ADD3: variants seen among roughly 807,000 people sequenced by gnomAD.
The protein encoded by ADD3 is gamma-adducin.
ADD3 carries 25 observed loss-of-function variants against 80.2 expected under a neutral mutation model. The ratio of observed to expected loss-of-function variants is 0.31; its 90% CI spans 0.23 to 0.44. The LOEUF is 0.44. ADD3 is among the 20% of genes least tolerant of loss of function. The pLI is 1.00. For synonymous variants in ADD3, 284 were observed against 289.6 expected (o/e 0.98, Z 0.20); for missense variants, 829 against 847.5 (o/e 0.98, Z 0.27).
At chr10:110,002,995 A>G (rs74154938), upstream of ADD3, among the ~76,000 whole-genome samples, 2,630 of 152,338 alleles carry the variant, frequency 0.017, 84 homozygotes, top group African/African-American at 0.061. Context: ...TTGTTCCCCA[A>G]GTACTTTCCA....
At chr10:109,998,037 A>G (rs551407239) in intron 1 of ADD3, among the ~76,000 whole-genome samples, 2 of 152,374 alleles carry the variant, frequency 1.3e-5, no homozygotes, top group East Asian at 3.9e-4. Context: ...TACTAGGGAT[A>G]CAACAATGAA....
intron 1 of ADD3, among the ~76,000 whole-genome samples, chr10:110,077,921 C>G (rs556080203): frequency 1.3e-5 from 2 of 152,224 alleles, no homozygotes; most frequent in East Asian, 1.9e-4. Context: ...TTTGTGTTAT[C>G]TATACTCTCT....
intron 5 of ADD3, among the ~76,000 whole-genome samples, chr10:110,117,921 C>T (rs1850965191): frequency 6.6e-6 from 1 of 151,876 alleles, no homozygotes; most frequent in African/African-American, 2.4e-5. Context: ...GAGGCTGAGG[C>T]AGGAGAATCG....
intron 2 of ADD3, chr10:110,106,138 T>C (rs1294572641): frequency 7.1e-6 from 1 of 141,574 alleles, no homozygotes; most frequent in Non-Finnish European, 1.5e-5. Context: ...AAGTCTGTAA[T>C]CTTTTTTTTT....
intron 1 of ADD3, among the ~76,000 whole-genome samples, chr10:110,021,412 A>G (rs762878537): frequency 1.3e-5 from 2 of 152,242 alleles, no homozygotes; most frequent in Non-Finnish European, 2.9e-5. Context: ...AAAATTGTAC[A>G]CTAGTGACCA....
chr10:110,045,725 T>G (rs1444574705), intron 1 of ADD3, among the ~76,000 whole-genome samples: 1 of 152,176 alleles, frequency 6.6e-6, no homozygotes, highest in African/African-American at 2.4e-5. Flanking sequence ...TTATCAAAAC[T>G]TACACACACA....
At chr10:110,076,945 C>T (rs971783312) in intron 1 of ADD3, 3 of 152,204 alleles carry the variant, frequency 2.0e-5, no homozygotes, top group Non-Finnish European at 4.4e-5. Flanking sequence ...AGTTTGCTCT[C>T]ACTGAAGTCT....
intron 1 of ADD3, among the ~76,000 whole-genome samples, chr10:110,076,435 A>G (rs984417054): frequency 6.6e-6 from 1 of 152,202 alleles, no homozygotes; most frequent in African/African-American, 2.4e-5. Flanking sequence ...TCTTTTTTAC[A>G]TGTACATTTC....
intron 1 of ADD3, among the ~76,000 whole-genome samples, chr10:109,996,856 C>T (rs924657242): frequency 6.6e-6 from 1 of 152,244 alleles, no homozygotes; most frequent in Non-Finnish European, 1.5e-5. Context: ...GCTCTTCACT[C>T]TCTTCGGCCT....
chr10:110,104,740 C>T (rs1849225932), intron 2 of ADD3, among the ~76,000 whole-genome samples: 1 of 152,116 alleles, frequency 6.6e-6, no homozygotes, highest in Non-Finnish European at 1.5e-5. Context: ...ATGCCAAGCA[C>T]CTATTATGCA....
At chr10:110,072,804 T>C (rs910791760) in intron 1 of ADD3, among the ~76,000 whole-genome samples, 1 of 152,234 alleles carries the variant, frequency 6.6e-6, no homozygotes, top group African/African-American at 2.4e-5. Context: ...GAGTAAGAGC[T>C]ACTCTTGAGC....
Position 110,030,860 on chromosome 10 carries a change from T to C in ADD3, c.-30+22561T>C, listed in dbSNP as rs1049548245. 1.3e-5 allele frequency among the ~76,000 whole-genome samples: 2 copies of C among 151,706 alleles called. 1 individual carries two copies. The highest frequency in any genetic ancestry group is 2.9e-5 in the Non-Finnish European group (2 of 67,916). Reference sequence around the variant, plus strand: ...TGAGAGCTATTGCCTACAAGCAACCTCTACTCCTTCTCTAACTCTCCCATT... The same window carrying C: ...TGAGAGCTATTGCCTACAAGCAACCCCTACTCCTTCTCTAACTCTCCCATT... On this transcript the variant is annotated intron_variant, in intron 1 of 14. Transcript: ENST00000356080.
At chr10:110,089,354 A>G (rs1847192223) in intron 1 of ADD3, among the ~76,000 whole-genome samples, 1 of 152,092 alleles carries the variant, frequency 6.6e-6, no homozygotes, top group Non-Finnish European at 1.5e-5. Flanking sequence ...CTGGATCTCA[A>G]TTTTAAAATT....
intron 12 of ADD3, among the ~76,000 whole-genome samples, chr10:110,127,649 A>G (rs1158862913): frequency 6.6e-6 from 1 of 152,164 alleles, no homozygotes; most frequent in Non-Finnish European, 1.5e-5. Flanking sequence ...CTGTCCTAAT[A>G]TTATTTTCCA....
At chr10:110,092,151 A>G (rs1225349917) in intron 1 of ADD3, among the ~76,000 whole-genome samples, 1 of 152,200 alleles carries the variant, frequency 6.6e-6, no homozygotes, top group African/African-American at 2.4e-5. Context: ...CACTGTGGAA[A>G]GCAGGAGGTT....
At chr10:110,036,618 C>T (rs1048202281) in intron 1 of ADD3, among the ~76,000 whole-genome samples, 9 of 151,764 alleles carry the variant, frequency 5.9e-5, no homozygotes, top group Non-Finnish European at 1.0e-4. Context: ...ATGATCCGCC[C>T]GCCTTGGCCT....
chr10:109,999,906 A>C (rs903298313), intron 1 of ADD3, among the ~76,000 whole-genome samples: 2 of 146,638 alleles, frequency 1.4e-5, no homozygotes, highest in Non-Finnish European at 3.0e-5. Context: ...GCCATAAGCT[A>C]TGTCTTAAGG....
intron 1 of ADD3, among the ~76,000 whole-genome samples, chr10:110,012,581 ATAG>A (rs1852456569): frequency 6.6e-6 from 1 of 152,232 alleles, no homozygotes; most frequent in Admixed American, 6.5e-5. Context: ...CATAATCCAA[ATAG>A]TAGTAGCATG....
chr10:110,049,276 C>T lies in ADD3; in HGVS notation c.-30+40977C>T, dbSNP rs1857231049. ...GCAGGGCTGGGGCCGTCATGGAGAA[C>T]CTCTGCTAGAGCAGTGCAGAATGGA... On this transcript the variant is annotated intron_variant, in intron 1 of 14. Transcript: ENST00000356080. 2.0e-5 allele frequency among the ~76,000 whole-genome samples: 3 copies of T among 152,154 alleles called. 1 individual carries two copies. Among genetic ancestry groups the T allele is most frequent in the Non-Finnish European group, 4.4e-5 (3 of 67,972 alleles).
Sources: allele counts gnomAD v4.1 joint callset (sites outside exome capture counted in the v4.1 genomes callset), GRCh38; gene constraint gnomAD v4.1.1; transcripts MANE v1.5; gene names NCBI Gene and HGNC (gene_info 2026-07-23, HGNC 2026-07-21).